The following BTBD8 variants were observed in gnomAD, a reference collection of about 807,000 sequenced individuals.
The protein encoded by BTBD8 is BTB/POZ domain-containing protein 8.
A neutral mutation model predicts 162.9 loss-of-function variants in BTBD8; 110 were observed. The observed-to-expected ratio is 0.68, with a 90% confidence interval of 0.58 to 0.79. BTBD8 has a LOEUF of 0.79. BTBD8 is among the 30% of genes least tolerant of loss of function. The probability of loss-of-function intolerance (pLI) is 0.00; values close to 1 mark genes in which losing one functional copy is unlikely to be tolerated. For missense variants in BTBD8, 1,905 were observed against 2,085.4 expected (o/e 0.91, Z 1.68); for synonymous variants, 667 against 716.1 (o/e 0.93, Z 1.10).
rs1330110476 is a variant in BTBD8 at position 92,125,930 on chromosome 1, A to G, written c.663-3757A>G. 9.1e-6 allele frequency: 4 copies of G among 441,534 alleles called. No homozygotes were observed. The Admixed American group carries it at 1.1e-4, about 12-fold the overall frequency. 27.4% of individuals were successfully genotyped at this position (441,534 alleles called of 1,614,324 possible). ...TTGAAGAAGGAGGGAGCTTTGGAGA[A>G]TTTGTTTTGATTTATGGAACACCTA... On this transcript the variant is annotated intron_variant, in intron 4 of 17. Coordinates refer to ENST00000636805, the MANE Select transcript of BTBD8 (RefSeq NM_001376131.1).
intron 9 of BTBD8, among the ~76,000 whole-genome samples, chr1:92,153,036 T>C (rs1650082417): frequency 6.6e-6 from 1 of 152,214 alleles, no homozygotes; most frequent in South Asian, 2.1e-4. Flanking sequence ...CGAAGTATGT[T>C]ACCCAGAAAG....
rs77724655 is a variant in BTBD8, at chr1:92,150,274, A to C, written c.1122+2488A>C. Among the ~76,000 whole-genome samples the C allele has an allele frequency of 8.4e-3, 1,257 of 149,874 alleles. 22 individuals are homozygous for C. The highest frequency in any genetic ancestry group is 0.029 in the African/African-American group (1,167 of 40,696). On this transcript the variant is annotated intron_variant, in intron 9 of 17. Transcript: ENST00000636805. Reference sequence around the variant, plus strand: ...AGTAGAGACCCAAGACACTTCTTATATTGAATATTGAAATAATTGTGAGCT... The same window carrying C: ...AGTAGAGACCCAAGACACTTCTTATCTTGAATATTGAAATAATTGTGAGCT...
intron 9 of BTBD8, chr1:92,150,789 C>T (rs1334461807): frequency 2.0e-5 from 3 of 152,100 alleles, no homozygotes; most frequent in African/African-American, 7.2e-5. Flanking sequence ...CTGGAGTGTC[C>T]AGAGAAAACC....
chr1:92,175,158 A>G (rs932664851), intron 13 of BTBD8, among the ~76,000 whole-genome samples: 15 of 151,460 alleles, frequency 9.9e-5, no homozygotes, highest in African/African-American at 3.2e-4. Context: ...TTCCAAAGGA[A>G]AAAAAAAACC....
Position 92,102,576 on chromosome 1 carries a change from T to C in BTBD8, c.451T>C (p.Phe151Leu). ...ATCACAAAAGCAACTTGACATCAGT[T>C]TTCCAAAGTGTGAAAACTCATCTGA... is the stretch of plus-strand genomic sequence containing the variant. ...GISQKQLDIS[F>L]PKCENSSDCS... The change falls in exon 3 of 18, where the codon TTT (phenylalanine) becomes CTT (leucine). Residue 151 changes from phenylalanine to leucine, a missense_variant. Around this residue, in one of 3 missense-constraint regions of BTBD8, gnomAD observed 1,374 missense variants for 1,442.7 expected, o/e 0.95. Transcript: ENST00000636805. The C allele has an allele frequency of 1.3e-6, 2 of 1,598,760 alleles. No individual in the cohort carries two copies. The highest frequency in any genetic ancestry group is 1.7e-6 in the Non-Finnish European group (2 of 1,172,398).
intron 4 of BTBD8, among the ~76,000 whole-genome samples, chr1:92,118,632 T>C (rs1649107398): frequency 6.6e-6 from 1 of 151,962 alleles, no homozygotes; most frequent in South Asian, 2.1e-4. Flanking sequence ...AGTAATGTTC[T>C]ACCTCCTTGA....
At chr1:92,109,695 T>C (rs1260385671) in intron 4 of BTBD8, among the ~76,000 whole-genome samples, 1 of 152,242 alleles carries the variant, frequency 6.6e-6, no homozygotes, top group African/African-American at 2.4e-5. Context: ...AACATCTTTC[T>C]GTTTATAGTA....
At chr1:92,183,531 TTC>T (rs1291960950) in intron 17 of BTBD8, among the ~76,000 whole-genome samples, 2 of 152,144 alleles carry the variant, frequency 1.3e-5, no homozygotes, top group Non-Finnish European at 2.9e-5. Flanking sequence ...TCTTTTTTTT[TTC>T]TCTTTTTCTA....
chr1:92,169,077 A>C, intron 12 of BTBD8, 82 bp downstream of exon 12: 1 of 1,326,048 alleles, frequency 7.5e-7, no homozygotes, highest in Non-Finnish European at 1.0e-6. Flanking sequence ...TGATAAGTGA[A>C]AAGGTTAACA....
chr1:92,151,518 T>A (rs1053625100), intron 9 of BTBD8, among the ~76,000 whole-genome samples: 1 of 152,196 alleles, frequency 6.6e-6, no homozygotes, highest in African/African-American at 2.4e-5. Flanking sequence ...CATTTCCTAA[T>A]GTAGTAGTAG....
chr1:92,119,180 CTT>C lies in BTBD8; in HGVS notation c.663-10504_663-10503del, dbSNP rs1417833027. Among the ~76,000 whole-genome samples, 24 of 151,762 alleles carry C rather than the reference CTT, an allele frequency of 1.6e-4. No individual in the cohort carries two copies. The East Asian group carries it at 4.4e-3, about 28-fold the overall frequency. ...AATAATTAACCTTGGCTTATTGTAA[CTT>C]TTCATTTTATAAACTTTTTAATTTT... On this transcript the variant is annotated intron_variant, in intron 4 of 17. Coordinates refer to ENST00000636805, the MANE Select transcript of BTBD8 (RefSeq NM_001376131.1).
intron 13 of BTBD8, among the ~76,000 whole-genome samples, 177 bp from the exon 14 acceptor site, chr1:92,176,652 C>T (rs527244439): frequency 5.9e-5 from 9 of 152,232 alleles, no homozygotes; most frequent in East Asian, 1.9e-4. Context: ...GATTTGATTA[C>T]GGTAATCTAA....
At chr1:92,103,998 G>A (rs1310151417) in intron 3 of BTBD8, among the ~76,000 whole-genome samples, 1 of 152,218 alleles carries the variant, frequency 6.6e-6, no homozygotes, top group Non-Finnish European at 1.5e-5. Flanking sequence ...GTAAACTGAG[G>A]TATCTGGTAG....
intron 9 of BTBD8, among the ~76,000 whole-genome samples, chr1:92,161,702 T>G (rs1478286284): frequency 6.6e-6 from 1 of 152,300 alleles, no homozygotes; most frequent in South Asian, 2.1e-4. Flanking sequence ...GAAAATAAAT[T>G]TTCACTGTGT....
intron 7 of BTBD8, among the ~76,000 whole-genome samples, chr1:92,144,040 C>T (rs1207838445): frequency 7.7e-6 from 1 of 129,726 alleles, no homozygotes; most frequent in Non-Finnish European, 1.5e-5. Flanking sequence ...GTGGTGCGAT[C>T]TCAGCTCACT....
intron 9 of BTBD8, among the ~76,000 whole-genome samples, chr1:92,164,109 A>G (rs967955316): frequency 6.6e-6 from 1 of 152,236 alleles, no homozygotes; most frequent in African/African-American, 2.4e-5. Context: ...GGAAACGACA[A>G]TGGTCCTAAA....
In BTBD8 at chr1:92,123,793, A is replaced by AAG. The variant is rs1553122950; in HGVS notation, c.663-5893_663-5892insGA. On this transcript the variant is annotated intron_variant, in intron 4 of 17. Transcript: ENST00000636805. ...CTCCGTCTCAAAAAAAAAAAAAAAAAAAAGAAAATTTGTAGAAATAATTTG... is the reference window on the plus strand; with the variant it reads ...CTCCGTCTCAAAAAAAAAAAAAAAAAAGAAAGAAAATTTGTAGAAATAATTTG... Among the ~76,000 whole-genome samples, 186 of 151,378 alleles carry AAG rather than the reference A, an allele frequency of 1.2e-3. 1 individual carries two copies. The highest frequency in any genetic ancestry group is 4.3e-3 in the African/African-American group (179 of 41,242).
At position 92,181,610 on chromosome 1, in the gene BTBD8, A is replaced by G. The variant is rs1296280705; in HGVS notation, c.3927A>G (p.Glu1309=). 6.4e-7 allele frequency: 1 copy of G among 1,551,212 alleles called. No homozygotes were observed. The change falls in exon 17 of 18, where the codon GAA becomes GAG. Residue 1309 remains glutamate, a synonymous_variant. Coordinates refer to ENST00000636805, the MANE Select transcript of BTBD8 (RefSeq NM_001376131.1). The part of the protein sequence containing the change: ...RSSSDTSTPE[E]LKIYDSNLRI... ...GCAGTGATACCAGTACTCCTGAAGA[A>G]TTAAAAATTTATGATAGTAATTTAA...
chr1:92,103,590 C>T (rs953898589), intron 3 of BTBD8, among the ~76,000 whole-genome samples: 1 of 152,174 alleles, frequency 6.6e-6, no homozygotes, highest in Non-Finnish European at 1.5e-5. Flanking sequence ...GATTGCACCA[C>T]AGAAAAGGAA....
Sources: allele counts gnomAD v4.1 joint callset (sites outside exome capture counted in the v4.1 genomes callset), GRCh38; gene constraint gnomAD v4.1.1; regional missense constraint gnomAD v4.1.1; transcripts MANE v1.5; gene names NCBI Gene and HGNC (gene_info 2026-07-23, HGNC 2026-07-21).